The following CRTAM variants were observed in gnomAD, a reference collection of about 807,000 sequenced individuals.
CRTAM encodes cytotoxic and regulatory T-cell molecule.
CRTAM carries 44 observed loss-of-function variants against 50.0 expected under a neutral mutation model. The ratio of observed to expected loss-of-function variants is 0.88; its 90% confidence interval spans 0.69 to 1.13. The LOEUF is 1.13. Among genes scored for constraint, CRTAM ranks in the 50% most tolerant of loss-of-function variants. CRTAM has a pLI of 0.00. For missense variants in CRTAM, 448 were observed against 457.5 expected (o/e 0.98, Z 0.19); for synonymous variants, 159 against 169.3 (o/e 0.94, Z 0.47).
At position 122,871,385 on chromosome 11, in the gene CRTAM, G is replaced by A; in HGVS notation, c.1168G>A (p.Glu390Lys). The change falls in exon 10 of 10, where the codon GAG (glutamate) becomes AAG (lysine). Residue 390 changes from glutamate to lysine, a missense_variant. By Grantham distance (56) the Glu-to-Lys change is moderately conservative. Coordinates refer to ENST00000227348, the MANE Select transcript of CRTAM (RefSeq NM_019604.4). The part of the protein sequence containing the change: ...KLEEKHIQVP[E>K]SIV ...AGAAGAAAAGCACATCCAAGTACCA[G>A]AGAGTATTGTGTAGTGCTCTCTGCA... 6.2e-7 allele frequency: 1 copy of A among 1,613,622 alleles called. No homozygotes were observed. Among genetic ancestry groups the A allele is most frequent in the Non-Finnish European group, 8.5e-7 (1 of 1,179,824 alleles).
chr11:122,867,967 T>C lies in CRTAM; in HGVS notation c.965-46T>C, dbSNP rs764921959. On this transcript the variant is annotated intron_variant, in intron 8 of 9. Transcript: ENST00000227348. ...TCTTATTCAAATATACATTTCTACA[T>C]GTCCATGGCATCAGAAATTAGTTGC... 5 of 1,128,418 alleles carry C rather than the reference T, an allele frequency of 4.4e-6. No homozygotes were observed. The East Asian group carries it at 1.2e-4, about 26-fold the overall frequency. 69.9% of individuals were successfully genotyped at this position (1,128,418 alleles called of 1,614,324 possible). A position where few individuals can be genotyped will look rare whatever the true frequency, so the allele number is the denominator to read the frequency against.
Position 122,850,208 on chromosome 11 carries a change from T to C in CRTAM, c.187T>C (p.Tyr63His). Reference sequence around the variant, plus strand: ...AGGGTTCACCATTTTTTTAAATGAGTATCCTGGTAAGTGAAAGAAAGAAAG... The same window carrying C: ...AGGGTTCACCATTTTTTTAAATGAGCATCCTGGTAAGTGAAAGAAAGAAAG... ...PSGFTIFLNE[Y>H]PALKNSKYQL... Residue 63 changes from tyrosine to histidine, a missense_variant, in exon 2 of 10, where the codon TAT becomes CAT. Physicochemically the swap from Tyr to His is moderately conservative, Grantham distance 83 (BLOSUM62 2). Transcript: ENST00000227348. The C allele has an allele frequency of 6.2e-7, 1 of 1,603,032 alleles. No individual in the cohort carries two copies. Among genetic ancestry groups the C allele is most frequent in the Non-Finnish European group, 8.5e-7 (1 of 1,173,384 alleles).
intron 2 of CRTAM, 61 bp downstream of exon 2, chr11:122,850,275 G>C: frequency 6.7e-7 from 1 of 1,488,902 alleles, no homozygotes. Context: ...TTTTCCAGCC[G>C]GACAGTTTGG....
chr11:122,842,875 G>A (rs948916458), intron 1 of CRTAM, among the ~76,000 whole-genome samples: 42 of 152,292 alleles, frequency 2.8e-4, no homozygotes, highest in African/African-American at 9.4e-4. Context: ...CATGGGTGGA[G>A]CATGGGGACA....
intron 2 of CRTAM, 35 bp downstream of exon 2, chr11:122,850,249 A>C: frequency 6.4e-7 from 1 of 1,556,566 alleles, no homozygotes; most frequent in Non-Finnish European, 8.7e-7. Context: ...ATGCCACCAG[A>C]CCTTAACCTG....
chr11:122,870,344 G>A (rs530707594), intron 9 of CRTAM, among the ~76,000 whole-genome samples: 8 of 152,004 alleles, frequency 5.3e-5, no homozygotes, highest in African/African-American at 1.9e-4. Flanking sequence ...GCCTCCCAAA[G>A]TGCTGGGATT....
chr11:122,854,365 G>A (rs916735784), intron 4 of CRTAM, among the ~76,000 whole-genome samples: 49 of 152,228 alleles, frequency 3.2e-4, no homozygotes, highest in African/African-American at 1.2e-3. Flanking sequence ...TCTAAAATAA[G>A]TATAATACAG....
intron 5 of CRTAM, among the ~76,000 whole-genome samples, chr11:122,857,996 A>T (rs1862026697): frequency 6.6e-6 from 1 of 152,030 alleles, no homozygotes; most frequent in Admixed American, 6.6e-5. Context: ...CTGCAGCCTC[A>T]ATCTTCCAGG....
chr11:122,855,593 G>C (rs1861994974), intron 4 of CRTAM, 102 bp from the exon 5 acceptor site: 1 of 979,106 alleles, frequency 1.0e-6, no homozygotes, highest in East Asian at 2.5e-5. Context: ...AATGAGGTTA[G>C]AAATCTAATG....
At chr11:122,846,490 T>C (rs951251084) in intron 1 of CRTAM, among the ~76,000 whole-genome samples, 2 of 151,982 alleles carry the variant, frequency 1.3e-5, no homozygotes, top group African/African-American at 4.8e-5. Context: ...TTCGAGACCA[T>C]GTTGGTCAGG....
intron 1 of CRTAM, among the ~76,000 whole-genome samples, chr11:122,839,919 C>G (rs1260910422): frequency 6.6e-6 from 1 of 152,034 alleles, no homozygotes; most frequent in East Asian, 1.9e-4. Flanking sequence ...GGTCCCTGTA[C>G]CCTGAGGCAC....
chr11:122,866,445 G>A (rs1862175959), intron 7 of CRTAM, among the ~76,000 whole-genome samples: 1 of 152,030 alleles, frequency 6.6e-6, no homozygotes, highest in African/African-American at 2.4e-5. Context: ...TATATATAGA[G>A]ACAGCTAATC....
Position 122,851,735 on chromosome 11 carries a change from A to G in CRTAM, c.236A>G (p.Asn79Ser), listed in dbSNP as rs760094264. The change falls in exon 3 of 10, where the codon AAT (asparagine) becomes AGT (serine). Residue 79 changes from asparagine to serine, a missense_variant. By Grantham distance (46) the Asn-to-Ser change is conservative. Transcript: ENST00000227348. The part of the protein sequence containing the change: ...SKYQLLHHSA[N>S]QLSITVPNVT... ...TACCAGCTTCTTCATCACTCGGCCA[A>G]TCAGCTCTCCATCACTGTGCCTAAC... 3 of 1,614,176 alleles carry G rather than the reference A, an allele frequency of 1.9e-6. No individual in the cohort carries two copies. The Middle Eastern group carries it at 4.9e-4, about 266-fold the overall frequency.
chr11:122,846,284 G>C (rs1410797946), intron 1 of CRTAM, among the ~76,000 whole-genome samples: 2 of 152,094 alleles, frequency 1.3e-5, no homozygotes, highest in African/African-American at 4.8e-5. Flanking sequence ...GAAGAGAAGA[G>C]AGAAGTGGGA....
chr11:122,853,797 G>T, intron 3 of CRTAM, 146 bp from the exon 4 acceptor site: 1 of 645,840 alleles, frequency 1.5e-6, no homozygotes, highest in Non-Finnish European at 2.3e-6. Context: ...CAGCCTGGGC[G>T]ACGGAGACTA....
Position 122,862,558 on chromosome 11 carries a change from T to G in CRTAM, c.733+14T>G. 6.8e-7 allele frequency: 1 copy of G among 1,466,890 alleles called. No individual in the cohort carries two copies. Among genetic ancestry groups the G allele is most frequent in the Non-Finnish European group, 9.4e-7 (1 of 1,063,964 alleles). The allele number at this position is 1,466,890 out of a possible 1,614,324, so 90.9% of individuals were successfully genotyped here. On this transcript the variant is annotated intron_variant, in intron 6 of 9. Transcript: ENST00000227348. ...CCACCAGTACTGGTAAGTGTCAAAA[T>G]CATTCAAACTTGTTTTTAAAAAATC... is the stretch of plus-strand genomic sequence containing the variant.
intron 9 of CRTAM, 65 bp downstream of exon 9, chr11:122,868,164 C>A: frequency 1.0e-6 from 1 of 961,706 alleles, no homozygotes; most frequent in Non-Finnish European, 1.7e-6. Flanking sequence ...TCAGATTTCT[C>A]CAGAGAGACA....
intron 4 of CRTAM, among the ~76,000 whole-genome samples, chr11:122,854,305 G>A (rs564477134): frequency 1.2e-4 from 18 of 152,258 alleles, no homozygotes; most frequent in African/African-American, 4.3e-4. Flanking sequence ...TTTAAAACAG[G>A]TAAAAATCTA....
intron 5 of CRTAM, 54 bp downstream of exon 5, chr11:122,855,910 A>T: frequency 2.1e-6 from 3 of 1,445,280 alleles, no homozygotes; most frequent in Non-Finnish European, 2.9e-6. Flanking sequence ...TTAATATTAC[A>T]CTATCAAACA....
Sources: gnomAD v4.1 joint callset for allele counts (sites outside exome capture counted in the v4.1 genomes callset) on GRCh38, gnomAD v4.1.1 for gene constraint, MANE v1.5 for transcripts, NCBI Gene and HGNC (gene_info 2026-07-23, HGNC 2026-07-21) for gene names.